The following CYP3A4 variants were observed in gnomAD, a reference collection of about 807,000 sequenced individuals.
The protein encoded by CYP3A4 is cytochrome P450 3A4.
In CYP3A4, 41 loss-of-function variants were observed where a neutral mutation model predicts 54.9. That is an observed-to-expected ratio of 0.75 (90% CI 0.58 to 0.97). The LOEUF (loss-of-function observed/expected upper bound fraction) is 0.97. Ranked by LOEUF, CYP3A4 falls within the 50% of genes least tolerant of loss-of-function variation. The probability of loss-of-function intolerance (pLI) is 0.00; values close to 1 mark genes in which losing one functional copy is unlikely to be tolerated. For synonymous variants in CYP3A4, 179 were observed against 205.2 expected, an observed-to-expected ratio of 0.87 and a Z score of 1.09; for missense variants, 510 against 597.3, an observed-to-expected ratio of 0.85 and a Z score of 1.52.
intron 8 of CYP3A4, chr7:99,766,829 A>G: frequency 2.8e-6 from 1 of 354,206 alleles, no homozygotes; most frequent in South Asian, 4.2e-5. Flanking sequence ...TTATCCTCTG[A>G]CAATTTATTG....
In CYP3A4 at chr7:99,772,575, C is replaced by T; in HGVS notation, c.318+15G>A. 6.2e-7 allele frequency: 1 copy of T among 1,611,356 alleles called. No homozygotes were observed. Among genetic ancestry groups the T allele is most frequent in the Non-Finnish European group, 8.5e-7 (1 of 1,179,058 alleles). ...TAATCAATCAGTATTTTAATTTCAACACATGAATGCTTACCCTCCGGTTTG... is the reference window on the plus strand; with the variant it reads ...TAATCAATCAGTATTTTAATTTCAATACATGAATGCTTACCCTCCGGTTTG... On this transcript the variant is annotated intron_variant, in intron 4 of 12. Transcript: ENST00000651514.
chr7:99,758,076 T>C lies in CYP3A4; in HGVS notation c.*57A>G, dbSNP rs1410686552. ...TCTATTCACAAAGTAATTTGAGGTC[T>C]CTGGTGTTCTCAGGCACAGATTTCT... On this transcript the variant is annotated 3_prime_UTR_variant, in exon 13 of 13. Coordinates refer to ENST00000651514, the MANE Select transcript of CYP3A4 (RefSeq NM_017460.6). 1 of 1,380,874 alleles carries C rather than the reference T, an allele frequency of 7.2e-7. No individual in the cohort carries two copies. Among genetic ancestry groups the C allele is most frequent in the African/African-American group, 1.4e-5 (1 of 70,094 alleles). The allele number at this position is 1,380,874 out of a possible 1,614,324, so 85.5% of individuals were successfully genotyped here. A position where few individuals can be genotyped will look rare whatever the true frequency, so the allele number is the denominator to read the frequency against.
chr7:99,783,458 C>T (rs886319302), intron 1 of CYP3A4, among the ~76,000 whole-genome samples: 1 of 152,138 alleles, frequency 6.6e-6, no homozygotes, highest in Non-Finnish European at 1.5e-5. Context: ...AGTAGATCAT[C>T]CTCAATCAAT....
Position 99,780,740 on chromosome 7 carries a change from A to G in CYP3A4, c.72-655T>C, listed in dbSNP as rs1442309874. 3.9e-5 allele frequency among the ~76,000 whole-genome samples: 6 copies of G among 152,206 alleles called. No homozygotes were observed. The South Asian group carries it at 1.2e-3, about 32-fold the overall frequency. On this transcript the variant is annotated intron_variant, in intron 1 of 12. Coordinates refer to ENST00000651514, the MANE Select transcript of CYP3A4 (RefSeq NM_017460.6). ...TGTGCTCAAGGCTTCCATTGACCTCATAGAAATGTGAGCAGCTTTCAGCTA... is the reference window on the plus strand; with the variant it reads ...TGTGCTCAAGGCTTCCATTGACCTCGTAGAAATGTGAGCAGCTTTCAGCTA...
At chr7:99,763,733 CAT>C in intron 10 of CYP3A4, 120 bp downstream of exon 10, 2 of 1,322,458 alleles carry the variant, frequency 1.5e-6, no homozygotes, top group Admixed American at 2.5e-5. Flanking sequence ...AGCCTTCCTA[CAT>C]AGAGTCAGTG....
chr7:99,775,759 TACCATTCAG>T (rs1273151587), intron 3 of CYP3A4, among the ~76,000 whole-genome samples: 5 of 152,048 alleles, frequency 3.3e-5, no homozygotes, highest in African/African-American at 1.2e-4. Context: ...ACCTGGGCAA[TACCATTCAG>T]GACACAGGCA....
Position 99,770,191 on chromosome 7 carries a change from A to T in CYP3A4, c.363T>A (p.Ala121=), listed in dbSNP as rs1770279967. The change falls in exon 5 of 13, where the codon GCT becomes GCA. Residue 121 remains alanine (A), a synonymous_variant. Coordinates refer to ENST00000651514, the MANE Select transcript of CYP3A4 (RefSeq NM_017460.6). The part of the protein sequence containing the change: ...VGFMKSAISI[A]EDEEWKRLRS... ...GTAATCTCTTCCATTCTTCATCCTC[A>T]GCTATAGAGATGGCACTTTTCATAA... The T allele has an allele frequency of 1.9e-6, 3 of 1,613,784 alleles. No homozygotes were observed. Among genetic ancestry groups the T allele is most frequent in the Non-Finnish European group, 2.5e-6 (3 of 1,179,778 alleles).
At chr7:99,763,263 C>T (rs1815385531) in intron 10 of CYP3A4, among the ~76,000 whole-genome samples, 6 of 151,970 alleles carry the variant, frequency 3.9e-5, no homozygotes, top group Admixed American at 3.3e-4. Flanking sequence ...ACATTCGAGA[C>T]GGCTCTCACC....
rs377626940 is a variant in CYP3A4, at chr7:99,780,356, C to G, written c.72-271G>C. 7.9e-5 allele frequency among the ~76,000 whole-genome samples: 12 copies of G among 152,294 alleles called. 1 individual carries two copies. In the East Asian group the frequency reaches 2.3e-3, roughly 29 times the overall value. On this transcript the variant is annotated intron_variant, in intron 1 of 12. Transcript: ENST00000651514. ...CTGGAATGAATATTTGATAAATGTTCTCAAATGTGAATGATCCTGAGAGGT... is the reference window on the plus strand; with the variant it reads ...CTGGAATGAATATTTGATAAATGTTGTCAAATGTGAATGATCCTGAGAGGT...
At chr7:99,759,274 A>C (rs1815255429) in intron 12 of CYP3A4, among the ~76,000 whole-genome samples, 1 of 152,238 alleles carries the variant, frequency 6.6e-6, no homozygotes, top group Non-Finnish European at 1.5e-5. Context: ...TTTATAGGGT[A>C]TTGTTTAATA....
chr7:99,767,114 C>T lies in CYP3A4; in HGVS notation c.798+17G>A. The stretch of plus-strand genomic sequence containing the variant: ...TGAAAAACTAAACATCCTCCTATAA[C>T]TACCACCACATTTTACCTTTTGTGT... On this transcript the variant is annotated intron_variant, in intron 8 of 12. Coordinates refer to ENST00000651514, the MANE Select transcript of CYP3A4 (RefSeq NM_017460.6). The T allele has an allele frequency of 6.2e-7, 1 of 1,606,210 alleles. No individual in the cohort carries two copies. Among genetic ancestry groups the T allele is most frequent in the Non-Finnish European group, 8.5e-7 (1 of 1,176,538 alleles).
At chr7:99,778,212 G>A (rs186252113) in intron 2 of CYP3A4, 132 bp from the exon 3 acceptor site, 421 of 661,890 alleles carry the variant, frequency 6.4e-4, no homozygotes, top group South Asian at 1.1e-3. Context: ...ATTTGGAGAC[G>A]TCATAAAGGA....
intron 12 of CYP3A4, among the ~76,000 whole-genome samples, chr7:99,760,263 C>T (rs1172005401): frequency 1.3e-5 from 2 of 152,166 alleles, no homozygotes; most frequent in African/African-American, 4.8e-5. Flanking sequence ...ACCAGAAATG[C>T]CTTAAATTAG....
rs189401139 is a variant in CYP3A4, at chr7:99,772,707, A to G, written c.219-18T>C. On this transcript the variant is annotated intron_variant, in intron 3 of 12. Transcript: ENST00000651514. ...CATAAAAGCTGTGTGAAAAAAACAG[A>G]GTTGATTAAACATCAACAGCCTTAT... 31 of 1,612,480 alleles carry G rather than the reference A, an allele frequency of 1.9e-5. No homozygotes were observed. In the East Asian group the frequency reaches 6.5e-4, roughly 34 times the overall value.
intron 10 of CYP3A4, among the ~76,000 whole-genome samples, chr7:99,762,941 C>A (rs1375029337): frequency 6.6e-6 from 1 of 152,208 alleles, no homozygotes; most frequent in Admixed American, 6.5e-5. Flanking sequence ...CACAAAGAAT[C>A]CCAATTTTGG....
intron 11 of CYP3A4, 151 bp downstream of exon 11, chr7:99,761,890 A>G: frequency 1.3e-6 from 1 of 767,628 alleles, no homozygotes; most frequent in Non-Finnish European, 2.1e-6. Context: ...AAAGTGTGAC[A>G]ATAATCAATT....
chr7:99,770,024 G>A, intron 5 of CYP3A4, 98 bp downstream of exon 5: 2 of 1,516,052 alleles, frequency 1.3e-6, no homozygotes, highest in South Asian at 2.3e-5. Flanking sequence ...CAAATTCAGT[G>A]GACTACCCCT....
intron 8 of CYP3A4, 55 bp from the exon 9 acceptor site, chr7:99,766,498 T>C: frequency 6.2e-7 from 1 of 1,607,062 alleles, no homozygotes; most frequent in South Asian, 1.1e-5. Flanking sequence ...AAGTCAGAAG[T>C]AAATCACAAG....
intron 12 of CYP3A4, among the ~76,000 whole-genome samples, chr7:99,759,454 G>T (rs1203112395): frequency 2.6e-5 from 4 of 150,986 alleles, no homozygotes; most frequent in Admixed American, 6.6e-5. Context: ...GCATATGCAC[G>T]AATGGCATTT....
Sources: allele counts gnomAD v4.1 joint callset (sites outside exome capture counted in the v4.1 genomes callset), GRCh38; gene constraint gnomAD v4.1.1; transcripts MANE v1.5; gene names NCBI Gene and HGNC (gene_info 2026-07-23, HGNC 2026-07-21).